The following NYX variants were observed in gnomAD, a reference collection of about 807,000 sequenced individuals.
NYX encodes nyctalopin.
For missense variants in NYX, 481 were observed against 485.4 expected (o/e 0.99, Z 0.09); for synonymous variants, 258 against 245.7 (o/e 1.05, Z -0.47).
chrX:41,473,135 G>A (rs2064368690), intron 2 of NYX, among the ~76,000 whole-genome samples: 1 of 111,765 alleles, frequency 8.9e-6, no homozygotes, highest in African/African-American at 3.2e-5. Flanking sequence ...AGTCAGTGCC[G>A]AAACAGTAGT....
Position 41,447,888 on chromosome X carries a change from G to A in NYX, c.-17G>A, listed in dbSNP as rs1409146000. 19 of 1,209,012 alleles carry A rather than the reference G, an allele frequency of 1.6e-5. No individual in the cohort carries two copies. The highest frequency in any genetic ancestry group is 2.0e-5 in the Non-Finnish European group (18 of 894,715). On this transcript the variant is annotated 5_prime_UTR_variant, in exon 2 of 3. Transcript: ENST00000378220. The stretch of plus-strand genomic sequence containing the variant: ...GCTGGGTGGTCCTAAGCCACTGGGT[G>A]GATGAAAGGCCGAGGGATGTTGGTC...
chrX:41,451,278 A>G (rs188558299), intron 2 of NYX, among the ~76,000 whole-genome samples: 83 of 112,046 alleles, frequency 7.4e-4, no homozygotes, highest in African/African-American at 2.4e-3. Context: ...ATACATACTT[A>G]TCATATAACT....
chrX:41,450,882 C>T (rs1178739420), intron 2 of NYX, among the ~76,000 whole-genome samples: 1 of 85,936 alleles, frequency 1.2e-5, no homozygotes, highest in Non-Finnish European at 2.2e-5. Context: ...GAGGGGGTTT[C>T]GCCATGTTGG....
intron 2 of NYX, among the ~76,000 whole-genome samples, chrX:41,456,664 C>T (rs1258232892): frequency 8.9e-6 from 1 of 111,757 alleles, no homozygotes; most frequent in Non-Finnish European, 1.9e-5. Context: ...TTGGTTTCTG[C>T]CTGGTGCCTA....
intron 1 of NYX, 55 bp from the exon 2 acceptor site, chrX:41,447,794 A>G (rs1283047581): frequency 5.9e-6 from 5 of 854,553 alleles, no homozygotes; most frequent in Non-Finnish European, 8.6e-6. Context: ...GAGGCATGGG[A>G]GGGTTCTCAT....
chrX:41,472,257 T>A, intron 2 of NYX: 1 of 1,040,340 alleles, frequency 9.6e-7, no homozygotes, highest in Non-Finnish European at 1.3e-6. Flanking sequence ...GAACAATATC[T>A]TTATGGCTTG....
chrX:41,473,581 G>C lies in NYX; in HGVS notation c.113G>C (p.Gly38Ala). The change falls in exon 3 of 3, where the codon GGC becomes GCC. Residue 38 changes from glycine (G) to alanine (A), a missense_variant. Transcript: ENST00000378220. ...TGCGCCTGCAGCACCGTGGAGCGCG[G>C]CTGCTCGGTGCGCTGCGACCGCGCG... ...AACACSTVER[G>A]CSVRCDRAGL... is the part of the protein sequence containing the mutation. 1 of 1,010,152 alleles carries C rather than the reference G, an allele frequency of 9.9e-7. No homozygotes were observed. The allele number at this position is 1,010,152 out of a possible 1,213,427, so 83.2% of individuals were successfully genotyped here. A position where few individuals can be genotyped will look rare whatever the true frequency, so the allele number is the denominator to read the frequency against.
intron 2 of NYX, among the ~76,000 whole-genome samples, chrX:41,450,835 T>A (rs879331865): frequency 0.23 from 8,995 of 39,508 alleles, 690 homozygotes; most frequent in East Asian, 0.71. Context: ...TATATTTTTT[T>A]TTTTTTTTTT....
chrX:41,450,417 G>A (rs754960532), intron 2 of NYX, among the ~76,000 whole-genome samples: 16 of 107,399 alleles, frequency 1.5e-4, no homozygotes, highest in Admixed American at 4.1e-4. Context: ...GCTGGGATGC[G>A]CCACCACCAC....
intron 2 of NYX, among the ~76,000 whole-genome samples, chrX:41,458,331 AAAAC>A (rs1255495715): frequency 8.9e-6 from 1 of 112,194 alleles, no homozygotes; most frequent in Non-Finnish European, 1.9e-5. Context: ...AGTATAGTGA[AAAAC>A]AAACAAAGGT....
At chrX:41,472,558 G>A in intron 2 of NYX, 1 of 543,776 alleles carries the variant, frequency 1.8e-6, no homozygotes, top group Admixed American at 2.7e-5. Flanking sequence ...ACTACAGGGG[G>A]GCTCTGCGTC....
At position 41,473,485 on chromosome X, in the gene NYX, C is replaced by G; in HGVS notation, c.23-6C>G. The G allele has an allele frequency of 1.0e-6, 1 of 975,541 alleles. No homozygotes were observed. The highest frequency in any genetic ancestry group is 5.9e-5 in the Admixed American group (1 of 17,034). The allele number at this position is 975,541 out of a possible 1,213,427, so 80.4% of individuals were successfully genotyped here. A position where few individuals can be genotyped will look rare whatever the true frequency, so the allele number is the denominator to read the frequency against. On this transcript the variant is annotated splice_region_variant and splice_polypyrimidine_tract_variant and intron_variant, in intron 2 of 2. Coordinates refer to ENST00000378220, the MANE Select transcript of NYX (RefSeq NM_001378477.3). ...TTCCCGACTCCCCACCACCCTGTCC[C>G]CGCAGCGGTGGTCCTCGGCCTGCCC...
At chrX:41,460,041 A>T (rs1033154654) in intron 2 of NYX, among the ~76,000 whole-genome samples, 1 of 111,001 alleles carries the variant, frequency 9.0e-6, no homozygotes, top group African/African-American at 3.3e-5. Flanking sequence ...CCTCATCAAC[A>T]TATGGGGTTA....
intron 2 of NYX, among the ~76,000 whole-genome samples, chrX:41,461,603 T>C (rs943657074): frequency 9.0e-6 from 1 of 110,662 alleles, no homozygotes; most frequent in African/African-American, 3.3e-5. Flanking sequence ...TTAAGGGATC[T>C]CCACACTGTT....
rs2064385367 is a variant in NYX at position 41,475,019 on chromosome X, C to T, written c.*120C>T. On this transcript the variant is annotated 3_prime_UTR_variant, in exon 3 of 3. Transcript: ENST00000378220. ...AGTGGAGGGTGGAAGGAACCGTTTG[C>T]CTCCAGAGATGGCCCCAGGGAGAAC... The T allele has an allele frequency of 6.1e-6, 4 of 658,713 alleles. No individual in the cohort carries two copies. The East Asian group carries it at 1.1e-4, about 17-fold the overall frequency. 54.3% of individuals were successfully genotyped at this position (658,713 alleles called of 1,213,427 possible).
intron 2 of NYX, among the ~76,000 whole-genome samples, chrX:41,466,725 A>T (rs1431858165): frequency 4.2e-5 from 4 of 95,864 alleles, no homozygotes; most frequent in African/African-American, 1.6e-4. Flanking sequence ...ATGCCTGGCT[A>T]ATTTTTTTTT....
At chrX:41,472,731 C>G (rs2064366837) in intron 2 of NYX, 2 of 303,462 alleles carry the variant, frequency 6.6e-6, no homozygotes, top group Non-Finnish European at 1.2e-5. Context: ...GGGCAGGCCC[C>G]GAGCCGCGGA....
chrX:41,474,910 G>A lies in NYX; in HGVS notation c.*11G>A, dbSNP rs1248529564. The A allele has an allele frequency of 1.7e-6, 2 of 1,182,534 alleles. No individual in the cohort carries two copies. The highest frequency in any genetic ancestry group is 2.3e-6 in the Non-Finnish European group (2 of 876,524). ...CTGCAGATGGACTGACCTGGCCAGAGGGGGGAAAGTTTGCTTAACTGGGCT... is the reference window on the plus strand; with the variant it reads ...CTGCAGATGGACTGACCTGGCCAGAAGGGGGAAAGTTTGCTTAACTGGGCT... On this transcript the variant is annotated 3_prime_UTR_variant, in exon 3 of 3. Transcript: ENST00000378220.
At chrX:41,465,339 A>T (rs1351589385) in intron 2 of NYX, among the ~76,000 whole-genome samples, 1 of 110,311 alleles carries the variant, frequency 9.1e-6, no homozygotes, top group Non-Finnish European at 1.9e-5. Flanking sequence ...TTGTTCTGGC[A>T]TTCAGTTAAA....
Sources: gnomAD v4.1 joint callset for allele counts (sites outside exome capture counted in the v4.1 genomes callset) on GRCh38, gnomAD v4.1.1 for gene constraint, MANE v1.5 for transcripts, NCBI Gene and HGNC (gene_info 2026-07-23, HGNC 2026-07-21) for gene names.